The following MFSD8 variants were observed in gnomAD, a reference collection of about 807,000 sequenced individuals.
The protein encoded by MFSD8 is major facilitator superfamily domain-containing protein 8.
A neutral mutation model predicts 66.4 loss-of-function variants in MFSD8; 55 were observed. That is an observed-to-expected ratio of 0.83 (90% CI 0.67 to 1.04). The LOEUF (loss-of-function observed/expected upper bound fraction) is 1.04, where lower values mean the gene tolerates loss of function less well. Among genes scored for constraint, MFSD8 ranks in the 50% least tolerant of loss-of-function variants. The pLI is 0.00. For synonymous variants in MFSD8, 202 were observed against 212.8 expected (o/e 0.95, Z 0.44); for missense variants, 550 against 627.6 (o/e 0.88, Z 1.32).
intron 2 of MFSD8, 44 bp from the exon 3 acceptor site, chr4:127,949,891 A>ATTT: frequency 6.6e-7 from 1 of 1,519,286 alleles, no homozygotes; most frequent in Non-Finnish European, 9.1e-7. Flanking sequence ...TAATAATTTA[A>ATTT]TCATTATTAC....
At chr4:127,961,402 A>T (rs967634887) in intron 1 of MFSD8, among the ~76,000 whole-genome samples, 1 of 152,168 alleles carries the variant, frequency 6.6e-6, no homozygotes, top group African/African-American at 2.4e-5. Flanking sequence ...CAAAGCTAAG[A>T]GTATGAAAAA....
chr4:127,957,428 G>A (rs1439461959), intron 2 of MFSD8, 73 bp downstream of exon 2: 2 of 1,020,494 alleles, frequency 2.0e-6, no homozygotes, highest in East Asian at 2.4e-5. Flanking sequence ...GGCAATGAAA[G>A]TAAATGAAGT....
chr4:127,923,552 T>TTTTTTTTTA (rs1553944537), intron 9 of MFSD8, among the ~76,000 whole-genome samples: 2 of 130,578 alleles, frequency 1.5e-5, no homozygotes, highest in African/African-American at 5.8e-5. Flanking sequence ...TTTATTTTTA[T>TTTTTTTTTA]TTATTATTAT....
In MFSD8 at chr4:127,942,068, G is replaced by A. The variant is rs1447607168; in HGVS notation, c.530C>T (p.Ala177Val). The A allele has an allele frequency of 6.2e-7, 1 of 1,613,658 alleles. No homozygotes were observed. The highest frequency in any genetic ancestry group is 8.5e-7 in the Non-Finnish European group (1 of 1,179,770). ...ACCTGGACCTAGAATAAAACCTAAT[G>A]CTTGACACATGCTTATGTTTGCCAT... The part of the protein sequence containing the change: ...SSMANISMCQ[A>V]LGFILGPVFQ... Residue 177 changes from alanine (A) to valine (V), a missense_variant, in exon 5 of 12, where the codon GCA becomes GTA. Transcript: ENST00000641686.
At chr4:127,943,631 A>T in intron 4 of MFSD8, 121 bp downstream of exon 4, 1 of 1,199,050 alleles carries the variant, frequency 8.3e-7, no homozygotes, top group African/African-American at 1.5e-5. Context: ...TTACAATGAG[A>T]AACATGTATG....
intron 2 of MFSD8, among the ~76,000 whole-genome samples, chr4:127,956,037 C>G (rs1364644114): frequency 6.6e-6 from 1 of 151,920 alleles, no homozygotes; most frequent in South Asian, 2.1e-4. Context: ...AAGAATTGCT[C>G]GAACCCAGGA....
Position 127,921,725 on chromosome 4 carries a change from A to C in MFSD8, c.1149T>G (p.Ile383Met). The C allele has an allele frequency of 1.2e-6, 2 of 1,614,222 alleles. No homozygotes were observed. Among genetic ancestry groups the C allele is most frequent in the Non-Finnish European group, 1.7e-6 (2 of 1,180,032 alleles). ...SIPNTTFGEIIIGLWKSPMED... is the reference protein window; with the variant it reads ...SIPNTTFGEIMIGLWKSPMED... ...CCATTGGAGACTTCCAAAGACCAAT[A>C]ATAATTTCCCCAAATGTGGTATTAG... The change falls in exon 11 of 12, where the codon ATT becomes ATG. Residue 383 changes from isoleucine to methionine, a missense_variant. Physicochemically the swap from Ile to Met is conservative, Grantham distance 10 (BLOSUM62 1). Transcript: ENST00000641686.
chr4:127,932,639 T>C (rs1357189271), intron 8 of MFSD8: 1 of 164,366 alleles, frequency 6.1e-6, no homozygotes, highest in Non-Finnish European at 1.3e-5. Context: ...GATTGAATCA[T>C]ATATATATAT....
At chr4:127,953,423 G>A (rs1374296964) in intron 2 of MFSD8, among the ~76,000 whole-genome samples, 1 of 150,366 alleles carries the variant, frequency 6.7e-6, no homozygotes, top group African/African-American at 2.4e-5. Flanking sequence ...GGGAGGCTGA[G>A]GTTGCAGTGA....
chr4:127,931,923 A>G (rs1578846739), intron 8 of MFSD8, among the ~76,000 whole-genome samples: 1 of 152,182 alleles, frequency 6.6e-6, no homozygotes, highest in Non-Finnish European at 1.5e-5. Context: ...AGCCTGGGCA[A>G]CATGGGGAAA....
intron 5 of MFSD8, among the ~76,000 whole-genome samples, chr4:127,941,302 TTAA>T (rs1417004552): frequency 1.3e-5 from 2 of 152,120 alleles, no homozygotes; most frequent in Non-Finnish European, 2.9e-5. Context: ...AGATGGGGTG[TTAA>T]TGATGAAGTA....
chr4:127,919,608 CTAGTT>C lies in MFSD8; in HGVS notation c.*1017_*1021del, dbSNP rs1297646007. 1 of 152,098 alleles carries C rather than the reference CTAGTT, an allele frequency of 6.6e-6. No individual in the cohort carries two copies. The highest frequency in any genetic ancestry group is 1.5e-5 in the Non-Finnish European group (1 of 68,028). The allele number at this position is 152,098 out of a possible 1,614,324, so 9.4% of individuals were successfully genotyped here. A position where few individuals can be genotyped will look rare whatever the true frequency, so the allele number is the denominator to read the frequency against. ...TTGCCTCAAATACTTATTAGCCTGA[CTAGTT>C]TGGGGCTGTCAGGGATCATCCAAAT... On this transcript the variant is annotated 3_prime_UTR_variant, in exon 12 of 12. Transcript: ENST00000641686.
intron 3 of MFSD8, among the ~76,000 whole-genome samples, chr4:127,949,197 A>C (rs1741545874): frequency 6.6e-6 from 1 of 152,204 alleles, no homozygotes; most frequent in African/African-American, 2.4e-5. Flanking sequence ...GTTATAGATG[A>C]ATTATGTAAC....
At chr4:127,923,512 T>C (rs192768552) in intron 9 of MFSD8, among the ~76,000 whole-genome samples, 3,916 of 150,810 alleles carry the variant, frequency 0.026, 154 homozygotes, top group African/African-American at 0.091. Flanking sequence ...TTTGATGTGC[T>C]GCTGAATTCA....
chr4:127,957,438 T>A, intron 2 of MFSD8, 63 bp downstream of exon 2: 2 of 1,105,882 alleles, frequency 1.8e-6, no homozygotes, highest in East Asian at 4.7e-5. Flanking sequence ...GTAAATGAAG[T>A]AAATGAAGTT....
In MFSD8 at chr4:127,932,674, C is replaced by T. The variant is rs111769701; in HGVS notation, c.863+311G>A. On this transcript the variant is annotated intron_variant, in intron 8 of 11. Coordinates refer to ENST00000641686, the MANE Select transcript of MFSD8 (RefSeq NM_001371596.2). The stretch of plus-strand genomic sequence containing the variant: ...TACATATATGTAGGAAATTATAGAG[C>T]TTAAGGATAATTAAATCATGGCACT... The T allele has an allele frequency of 5.9e-4, 147 of 248,616 alleles. 2 individuals carry two copies. The highest frequency in any genetic ancestry group is 3.1e-3 in the African/African-American group (132 of 43,040). 15.4% of individuals were successfully genotyped at this position (248,616 alleles called of 1,614,324 possible). A position where few individuals can be genotyped will look rare whatever the true frequency, so the allele number is the denominator to read the frequency against.
intron 3 of MFSD8, among the ~76,000 whole-genome samples, chr4:127,947,898 ACT>A (rs70966062): frequency 0.021 from 3,053 of 146,762 alleles, 29 homozygotes; most frequent in South Asian, 0.027. Flanking sequence ...ACACACACAC[ACT>A]CTCTCTCCAA....
rs570757797 is a variant in MFSD8 at position 127,920,671 on chromosome 4, G to A, written c.1516C>T (p.Leu506Phe). The change falls in exon 12 of 12, where the codon CTC becomes TTC. Residue 506 changes from leucine (L) to phenylalanine (F), a missense_variant. Transcript: ENST00000641686. Reference protein sequence around the residue: ...ITLLGVVYKRLIALSVRYGRI... With the variant: ...ITLLGVVYKRFIALSVRYGRI... The stretch of plus-strand genomic sequence containing the variant: ...CCATATCTTACAGAAAGAGCAATGA[G>A]TCTTTTGTAAACCACTCCCAGGAGG... 3 of 1,613,964 alleles carry A rather than the reference G, an allele frequency of 1.9e-6. No homozygotes were observed. Among genetic ancestry groups the A allele is most frequent in the Non-Finnish European group, 2.5e-6 (3 of 1,180,008 alleles).
chr4:127,942,572 C>T (rs912735157), intron 4 of MFSD8, among the ~76,000 whole-genome samples: 1 of 150,956 alleles, frequency 6.6e-6, no homozygotes, highest in Admixed American at 6.6e-5. Context: ...CCCAACTACT[C>T]AGGAGGCTGA....
Sources: gnomAD v4.1 joint callset for allele counts (sites outside exome capture counted in the v4.1 genomes callset) on GRCh38, gnomAD v4.1.1 for gene constraint, MANE v1.5 for transcripts, NCBI Gene and HGNC (gene_info 2026-07-23, HGNC 2026-07-21) for gene names.